Variants in AFG2A observed in about 807,000 individuals in gnomAD.
The protein encoded by AFG2A is AAA ATPase AFG2A.
the AFG2A span, among the ~76,000 whole-genome samples, chr4:123,013,687 A>G: frequency 2.9e-4 from 44 of 152,246 alleles, no homozygotes; most frequent in Middle Eastern, 0.01. Flanking sequence ...AGGTGCAGCA[A>G]ATCTCCAACT....
the AFG2A span, among the ~76,000 whole-genome samples, chr4:122,995,661 TG>T: frequency 6.6e-6 from 1 of 152,328 alleles, no homozygotes. Flanking sequence ...GATTAACTTT[TG>T]GTGAAATCAA....
At chr4:123,233,513 G>A in the AFG2A span, among the ~76,000 whole-genome samples, 1 of 151,996 alleles carries the variant, frequency 6.6e-6, no homozygotes, top group Admixed American at 6.6e-5. Flanking sequence ...GAAGAAAAGT[G>A]GTTATAAAAG....
chr4:122,982,153 G>T, the AFG2A span, among the ~76,000 whole-genome samples: 2 of 152,058 alleles, frequency 1.3e-5, no homozygotes, highest in Admixed American at 1.3e-4. Context: ...TACATATAGC[G>T]TTATGATGTT....
chr4:123,256,826 A>G, the AFG2A span: 1 of 983,660 alleles, frequency 1.0e-6, no homozygotes, highest in South Asian at 4.7e-5. Context: ...CTCCTTACCA[A>G]CTCTTTACTT....
the AFG2A span, among the ~76,000 whole-genome samples, chr4:122,996,352 C>A: frequency 2.6e-5 from 4 of 152,196 alleles, no homozygotes; most frequent in South Asian, 8.3e-4. Flanking sequence ...CAAATAAAAA[C>A]AACTAACTTA....
At chr4:123,144,812 T>C in the AFG2A span, among the ~76,000 whole-genome samples, 2 of 152,222 alleles carry the variant, frequency 1.3e-5, no homozygotes, top group East Asian at 3.9e-4. Context: ...CTTGATGAAA[T>C]TGGTCATACT....
chr4:123,021,865 C>T, the AFG2A span, among the ~76,000 whole-genome samples: 1 of 151,958 alleles, frequency 6.6e-6, no homozygotes, highest in Non-Finnish European at 1.5e-5. Context: ...CAGAACAGAG[C>T]CCTCAGAAAT....
the AFG2A span, among the ~76,000 whole-genome samples, chr4:123,211,737 AC>A: frequency 6.6e-6 from 1 of 152,232 alleles, no homozygotes; most frequent in Admixed American, 6.5e-5. Context: ...AAATCCCATT[AC>A]CTTACATCAC....
At chr4:123,157,651 TG>T in the AFG2A span, among the ~76,000 whole-genome samples, 3 of 152,098 alleles carry the variant, frequency 2.0e-5, no homozygotes, top group Middle Eastern at 3.4e-3. Context: ...GTGTTCGGGG[TG>T]GTATGGCAGT....
At chr4:123,279,904 G>A in the AFG2A span, among the ~76,000 whole-genome samples, 5 of 152,176 alleles carry the variant, frequency 3.3e-5, no homozygotes, top group Non-Finnish European at 7.3e-5. Flanking sequence ...ATATAAAAGT[G>A]ATACAACTAA....
chr4:122,968,970 T>A, the AFG2A span, among the ~76,000 whole-genome samples: 2 of 152,132 alleles, frequency 1.3e-5, no homozygotes, highest in Admixed American at 6.6e-5. Flanking sequence ...GGTTACTTTT[T>A]AAAAATATAT....
At chr4:123,193,588 A>G in the AFG2A span, among the ~76,000 whole-genome samples, 1 of 152,258 alleles carries the variant, frequency 6.6e-6, no homozygotes, top group Non-Finnish European at 1.5e-5. Context: ...AGTATTTAAT[A>G]AGACTGAAAC....
chr4:123,190,990 C>T, the AFG2A span, among the ~76,000 whole-genome samples: 1,585 of 152,238 alleles, frequency 0.01, 39 homozygotes, highest in African/African-American at 0.035. Context: ...TGATGTCACT[C>T]ATTACCCATT....
At chr4:122,970,267 T>C in the AFG2A span, among the ~76,000 whole-genome samples, 4 of 152,174 alleles carry the variant, frequency 2.6e-5, no homozygotes, top group Admixed American at 6.5e-5. Context: ...ATACTTACCA[T>C]TGTGTTATAG....
the AFG2A span, among the ~76,000 whole-genome samples, chr4:122,934,951 C>T: frequency 1.3e-5 from 2 of 152,142 alleles, no homozygotes; most frequent in Non-Finnish European, 2.9e-5. Flanking sequence ...TTAGTGACAG[C>T]CTTGTCTCTT....
the AFG2A span, among the ~76,000 whole-genome samples, chr4:123,245,121 G>A: frequency 2.6e-5 from 4 of 152,170 alleles, no homozygotes; most frequent in Non-Finnish European, 4.4e-5. Flanking sequence ...AGAGAGGTGT[G>A]AAGAATATGC....
the AFG2A span, chr4:122,979,203 A>T: frequency 6.2e-7 from 1 of 1,606,706 alleles, no homozygotes; most frequent in Non-Finnish European, 8.5e-7. Context: ...GGAAAAGACA[A>T]ATCTTGTGTT....
the AFG2A span, among the ~76,000 whole-genome samples, chr4:123,174,875 G>A: frequency 7.9e-3 from 1,194 of 151,584 alleles, 22 homozygotes; most frequent in African/African-American, 0.028. Flanking sequence ...TTGTCATCCA[G>A]GTTGGAGTGC....
chr4:123,196,190 T>TTTTTC, the AFG2A span, among the ~76,000 whole-genome samples: 4 of 145,862 alleles, frequency 2.7e-5, no homozygotes, highest in African/African-American at 1.0e-4. Flanking sequence ...TTTTTTTTTT[T>TTTTTC]AGTAGGGATG....
Sources: allele counts gnomAD v4.1 joint callset (sites outside exome capture counted in the v4.1 genomes callset), GRCh38; gene constraint gnomAD v4.1.1; transcripts MANE v1.5; gene names NCBI Gene and HGNC (gene_info 2026-07-23, HGNC 2026-07-21).